Variants in ZNF699 observed in about 807,000 individuals in gnomAD.
The protein encoded by ZNF699 is zinc finger protein 699, also known as hangover homolog.
In ZNF699, 18 loss-of-function variants were observed where a neutral mutation model predicts 22.5. That is an observed-to-expected ratio of 0.80 (90% confidence interval 0.55 to 1.19). The LOEUF (loss-of-function observed/expected upper bound fraction) is 1.19. Ranked by LOEUF, ZNF699 falls within the 50% of genes most tolerant of loss-of-function variation. The pLI is 0.00. For synonymous variants in ZNF699, 241 were observed against 262.3 expected (o/e 0.92, Z 0.78); for missense variants, 670 against 763.4 (o/e 0.88, Z 1.44).
In ZNF699 at chr19:9,296,437, A is replaced by T. The variant is rs1473837927; in HGVS notation, c.967T>A (p.Ser323Thr). The change falls in exon 6 of 6, where the codon TCC becomes ACC. Residue 323 changes from serine to threonine, a missense_variant. Transcript: ENST00000591998. ...CCACTGTGAATTCTTTTGTGTTTGGAGAGTGAGGAGGAACAACTGAAGGCC... is the reference window on the plus strand; with the variant it reads ...CCACTGTGAATTCTTTTGTGTTTGGTGAGTGAGGAGGAACAACTGAAGGCC... Reference protein sequence around the residue: ...GKAFSCSSSLSKHKRIHSGDK... With the variant: ...GKAFSCSSSLTKHKRIHSGDK... 1.3e-6 allele frequency: 2 copies of T among 1,583,054 alleles called. No individual in the cohort carries two copies. The highest frequency in any genetic ancestry group is 8.6e-7 in the Non-Finnish European group (1 of 1,166,980).
intron 2 of ZNF699, 31 bp from the exon 3 acceptor site, chr19:9,302,535 G>A (rs982856146): frequency 1.3e-6 from 2 of 1,576,734 alleles, no homozygotes; most frequent in Admixed American, 1.8e-5. Flanking sequence ...TGTTCAGAAA[G>A]GTACAATTCC....
chr19:9,294,003 A>T lies in ZNF699; in HGVS notation c.*1472T>A, dbSNP rs2066275878. ...ATAAATCTTCCTCCATTAAAACAGG[A>T]TGATACCCTGTGGATGCTTACCTCA... On this transcript the variant is annotated 3_prime_UTR_variant, in exon 6 of 6. Coordinates refer to ENST00000591998, the MANE Select transcript of ZNF699 (RefSeq NM_198535.3). Among the ~76,000 whole-genome samples the T allele has an allele frequency of 6.6e-6, 1 of 151,754 alleles. No homozygotes were observed. Among genetic ancestry groups the T allele is most frequent in the Non-Finnish European group, 1.5e-5 (1 of 67,980 alleles).
At chr19:9,298,149 A>T (rs2066294135) in intron 3 of ZNF699, among the ~76,000 whole-genome samples, 159 bp from the exon 4 acceptor site, 1 of 152,026 alleles carries the variant, frequency 6.6e-6, no homozygotes, top group South Asian at 2.1e-4. Flanking sequence ...TTTTTTTTAA[A>T]AAAAGGAGAG....
intron 2 of ZNF699, 21 bp from the exon 3 acceptor site, chr19:9,302,525 T>C (rs781426354): frequency 2.5e-6 from 4 of 1,588,334 alleles, no homozygotes; most frequent in Non-Finnish European, 1.7e-6. Flanking sequence ...CCACAAATTC[T>C]GTTCAGAAAG....
intron 3 of ZNF699, among the ~76,000 whole-genome samples, 186 bp from the exon 4 acceptor site, chr19:9,298,176 G>A (rs1021356925): frequency 2.6e-5 from 4 of 151,644 alleles, no homozygotes; most frequent in Non-Finnish European, 4.4e-5. Flanking sequence ...GGTTGGGTGC[G>A]GTGACTCACG....
At chr19:9,301,692 A>G (rs1370971009) in intron 3 of ZNF699, among the ~76,000 whole-genome samples, 4 of 152,020 alleles carry the variant, frequency 2.6e-5, no homozygotes, top group Non-Finnish European at 5.9e-5. Context: ...AATAAACCCA[A>G]CTTGTTTAAC....
At chr19:9,298,055 CAG>C (rs1490686924) in intron 3 of ZNF699, 65 bp from the exon 4 acceptor site, 1 of 1,140,902 alleles carries the variant, frequency 8.8e-7, no homozygotes, top group Non-Finnish European at 1.3e-6. Context: ...TTCCATGAAA[CAG>C]AAACAAAACT....
Position 9,295,807 on chromosome 19 carries a change from A to C in ZNF699, c.1597T>G (p.Cys533Gly). The C allele has an allele frequency of 1.2e-6, 2 of 1,614,144 alleles. No individual in the cohort carries two copies. Among genetic ancestry groups the C allele is most frequent in the Non-Finnish European group, 8.5e-7 (1 of 1,180,030 alleles). The change falls in exon 6 of 6, where the codon TGT (cysteine) becomes GGT (glycine). Residue 533 changes from cysteine (C) to glycine (G), a missense_variant. By Grantham distance (159) the Cys-to-Gly change is radical. Coordinates refer to ENST00000591998, the MANE Select transcript of ZNF699 (RefSeq NM_198535.3). ...ATAAAGGCTTTCCCACATTTCTTAC[A>C]TTCATAGGGTTTCTCTCCAGTGTGA... The part of the protein sequence containing the change: ...RTHTGEKPYE[C>G]KKCGKAFIYP...
rs775820983 is a variant in ZNF699 at position 9,305,150 on chromosome 19, A to T, written c.-5-26T>A. ...CTTCATGAAGAAAAGCAGGATATTG[A>T]GAAGTTAGAATTAAAAAAGGTGACA... On this transcript the variant is annotated intron_variant, in intron 1 of 5. Transcript: ENST00000591998. 14 of 1,607,140 alleles carry T rather than the reference A, an allele frequency of 8.7e-6. No homozygotes were observed. The South Asian group carries it at 1.5e-4, about 18-fold the overall frequency.
chr19:9,300,381 G>A (rs1463919478), intron 3 of ZNF699, among the ~76,000 whole-genome samples: 1 of 152,122 alleles, frequency 6.6e-6, no homozygotes, highest in Non-Finnish European at 1.5e-5. Flanking sequence ...CGCCCGGCTG[G>A]CAGTTTCTTA....
Position 9,297,460 on chromosome 19 carries a change from TTTAAG to T in ZNF699, c.301_305del (p.Leu101AsnfsTer2), listed in dbSNP as rs780543672. On this transcript the variant is annotated frameshift_variant, in exon 5 of 6. Coordinates refer to ENST00000591998, the MANE Select transcript of ZNF699 (RefSeq NM_198535.3). LOFTEE classifies it high-confidence loss of function. The surrounding 1 kb of genome is among the most constrained non-coding windows in gnomAD (Gnocchi z 4.3). ...CTTGTGAAGCAACTGATTCATTAGTTTTAAGTTGAGTCTCAAAACCTGAAACGAAA... is the reference window on the plus strand; with the variant it reads ...CTTGTGAAGCAACTGATTCATTAGTTTTGAGTCTCAAAACCTGAAACGAAA... 1.3e-6 allele frequency: 2 copies of T among 1,572,174 alleles called. No individual in the cohort carries two copies. Among genetic ancestry groups the T allele is most frequent in the Non-Finnish European group, 1.7e-6 (2 of 1,168,540 alleles).
chr19:9,300,327 G>A (rs538131491), intron 3 of ZNF699, among the ~76,000 whole-genome samples: 61 of 152,260 alleles, frequency 4.0e-4, no homozygotes, highest in Non-Finnish European at 7.1e-4. Flanking sequence ...TGATCCACCC[G>A]CCTCGGCCTC....
At chr19:9,303,449 C>T (rs542568933) in intron 2 of ZNF699, among the ~76,000 whole-genome samples, 11 of 152,292 alleles carry the variant, frequency 7.2e-5, no homozygotes, top group South Asian at 2.1e-4. Context: ...AAGGTCATTA[C>T]GAAGTACACA....
At chr19:9,303,173 C>T (rs1036443345) in intron 2 of ZNF699, among the ~76,000 whole-genome samples, 12 of 152,150 alleles carry the variant, frequency 7.9e-5, no homozygotes, top group East Asian at 1.9e-4. Context: ...TTTCCACAAA[C>T]ACCAAGCAAT....
Position 9,295,211 on chromosome 19 carries a change from A to G in ZNF699, c.*264T>C, listed in dbSNP as rs908015008. 9.2e-5 allele frequency: 40 copies of G among 432,808 alleles called. No individual in the cohort carries two copies. The highest frequency in any genetic ancestry group is 1.4e-4 in the Non-Finnish European group (35 of 246,894). The allele number at this position is 432,808 out of a possible 1,614,324, so 26.8% of individuals were successfully genotyped here. On this transcript the variant is annotated 3_prime_UTR_variant, in exon 6 of 6. Coordinates refer to ENST00000591998, the MANE Select transcript of ZNF699 (RefSeq NM_198535.3). ...AATGTTCCTATCAGAAAACACTGGT[A>G]ATCAACGAGCCAGCATTCTACTTTA...
chr19:9,297,166 A>AG lies in ZNF699; in HGVS notation c.470+129_470+130insC. On this transcript the variant is annotated intron_variant, in intron 5 of 5. Transcript: ENST00000591998. This position sits in a 1 kb window ranked among gnomAD's most constrained non-coding sequence, Gnocchi z 4.3. The stretch of plus-strand genomic sequence containing the variant: ...TCTCATTTGTGGAAAAAATTAACTC[A>AG]TGAAAATTCTTTCTCAAACCACAAT... The AG allele has an allele frequency of 9.8e-7, 1 of 1,018,188 alleles. No individual in the cohort carries two copies. The highest frequency in any genetic ancestry group is 1.4e-6 in the Non-Finnish European group (1 of 719,966). 63.1% of individuals were successfully genotyped at this position (1,018,188 alleles called of 1,614,324 possible). A position where few individuals can be genotyped will look rare whatever the true frequency, so the allele number is the denominator to read the frequency against.
At chr19:9,300,528 G>A (rs915955861) in intron 3 of ZNF699, among the ~76,000 whole-genome samples, 5 of 152,174 alleles carry the variant, frequency 3.3e-5, no homozygotes, top group African/African-American at 7.2e-5. Context: ...CTGCCAAAAC[G>A]TGTAAGCAAC....
Position 9,296,633 on chromosome 19 carries a change from G to C in ZNF699, c.771C>G (p.Thr257=). ...AGAATGAGGAACAGCTGAAGGCTTT[G>C]GTACATTCCTTACATTCATAGGGCT... is the stretch of plus-strand genomic sequence containing the variant. ...EEKPYECKEC[T]KAFSCSSFFR... The change falls in exon 6 of 6, where the codon ACC becomes ACG. Residue 257 remains threonine (T), a synonymous_variant. Coordinates refer to ENST00000591998, the MANE Select transcript of ZNF699 (RefSeq NM_198535.3). The C allele has an allele frequency of 6.2e-7, 1 of 1,613,616 alleles. No individual in the cohort carries two copies. The highest frequency in any genetic ancestry group is 8.5e-7 in the Non-Finnish European group (1 of 1,179,916).
chr19:9,306,920 C>T (rs117268872), intron 1 of ZNF699, among the ~76,000 whole-genome samples: 57 of 152,350 alleles, frequency 3.7e-4, no homozygotes, highest in Non-Finnish European at 6.8e-4. Flanking sequence ...ATCAAATATG[C>T]TGTGCGTGGT....
Sources: gnomAD v4.1 joint callset for allele counts (sites outside exome capture counted in the v4.1 genomes callset) on GRCh38, gnomAD v4.1.1 for gene constraint, Gnocchi (gnomAD v3.1) non-coding constraint, MANE v1.5 for transcripts, NCBI Gene and HGNC (gene_info 2026-07-23, HGNC 2026-07-21) for gene names.